The following SGMS1 variants were observed in gnomAD, a reference collection of about 807,000 sequenced individuals.
SGMS1 encodes sphingomyelin synthase 1.
In SGMS1, 13 loss-of-function variants were observed where a neutral mutation model predicts 46.2. That is an observed-to-expected ratio of 0.28 (90% CI 0.18 to 0.45). The LOEUF (loss-of-function observed/expected upper bound fraction) is 0.45. Ranked by LOEUF, SGMS1 falls within the 20% of genes least tolerant of loss-of-function variation. SGMS1 has a pLI of 1.00. For missense variants in SGMS1, 324 were observed against 519.9 expected (o/e 0.62, Z 3.66); for synonymous variants, 203 against 187.8 (o/e 1.08, Z -0.66).
At chr10:50,447,723 A>T (rs1837040406) in intron 5 of SGMS1, among the ~76,000 whole-genome samples, 2 of 152,228 alleles carry the variant, frequency 1.3e-5, no homozygotes, top group Admixed American at 1.3e-4. Context: ...ACTAACTAAC[A>T]TATGCATTAC....
At chr10:50,427,640 A>G (rs1849346719) in intron 6 of SGMS1, among the ~76,000 whole-genome samples, 1 of 152,212 alleles carries the variant, frequency 6.6e-6, no homozygotes, top group African/African-American at 2.4e-5. Context: ...AAGTGGGGAC[A>G]CTACATAAAC....
intron 2 of SGMS1, among the ~76,000 whole-genome samples, chr10:50,555,729 G>A (rs182214977): frequency 6.6e-6 from 1 of 152,252 alleles, no homozygotes; most frequent in East Asian, 1.9e-4. Context: ...AAACTCCCTG[G>A]AGGCCAAAGC....
At chr10:50,377,717 TG>T (rs2133463608) in intron 6 of SGMS1, among the ~76,000 whole-genome samples, 1 of 152,278 alleles carries the variant, frequency 6.6e-6, no homozygotes, top group African/African-American at 2.4e-5. Context: ...ATTATCAGTC[TG>T]GAGGCCAGAA....
At chr10:50,365,430 T>C (rs1295478387) in intron 6 of SGMS1, among the ~76,000 whole-genome samples, 1 of 152,142 alleles carries the variant, frequency 6.6e-6, no homozygotes, top group Non-Finnish European at 1.5e-5. Context: ...TAAAATTTTA[T>C]TTTACTTTAA....
intron 2 of SGMS1, among the ~76,000 whole-genome samples, chr10:50,561,438 T>G (rs753459993): frequency 3.3e-5 from 5 of 152,208 alleles, no homozygotes; most frequent in Non-Finnish European, 7.4e-5. Context: ...ACTGCTGGGT[T>G]AGAGGATTTC....
At chr10:50,388,886 G>A (rs1482565831) in intron 6 of SGMS1, among the ~76,000 whole-genome samples, 1 of 152,160 alleles carries the variant, frequency 6.6e-6, no homozygotes, top group African/African-American at 2.4e-5. Flanking sequence ...GATTTTGGAT[G>A]TCATCTAGCA....
intron 6 of SGMS1, among the ~76,000 whole-genome samples, chr10:50,409,076 T>C (rs1045180953): frequency 2.0e-5 from 3 of 152,186 alleles, no homozygotes; most frequent in Non-Finnish European, 2.9e-5. Flanking sequence ...AAAGAGGTAA[T>C]GTTAGAATTA....
rs573404568 is a variant in SGMS1 at position 50,613,030 on chromosome 10, G to A, written c.-684+10677C>T. On this transcript the variant is annotated intron_variant, in intron 1 of 10. Transcript: ENST00000361781. ...AGTTTTGAAGTGCAGTCCCAGCTCT[G>A]ATTCTCCCTTTGGGGGCTGACCACT... 7.9e-5 allele frequency among the ~76,000 whole-genome samples: 12 copies of A among 152,298 alleles called. No individual in the cohort carries two copies. The East Asian group carries it at 2.3e-3, about 29-fold the overall frequency.
At chr10:50,338,361 T>C (rs1285319815) in intron 7 of SGMS1, among the ~76,000 whole-genome samples, 2 of 152,240 alleles carry the variant, frequency 1.3e-5, no homozygotes, top group Non-Finnish European at 2.9e-5. Flanking sequence ...ACAACTGTCT[T>C]ATGCTATTCC....
In SGMS1 at chr10:50,306,828, T is replaced by C. The variant is rs1256092081; in HGVS notation, c.*314A>G. On this transcript the variant is annotated 3_prime_UTR_variant, in exon 11 of 11. Transcript: ENST00000361781. ...ATGTGACTGGAAAGACCAGAACTTA[T>C]GATATAAAAGCTTACATTTATGCTG... The C allele has an allele frequency of 4.7e-6, 1 of 211,772 alleles. No homozygotes were observed. The highest frequency in any genetic ancestry group is 5.8e-5 in the Admixed American group (1 of 17,102). The allele number at this position is 211,772 out of a possible 1,614,324, so 13.1% of individuals were successfully genotyped here. A position where few individuals can be genotyped will look rare whatever the true frequency, so the allele number is the denominator to read the frequency against.
chr10:50,310,563 A>G (rs1847238263), intron 9 of SGMS1, among the ~76,000 whole-genome samples: 1 of 152,006 alleles, frequency 6.6e-6, no homozygotes, highest in South Asian at 2.1e-4. Flanking sequence ...ACACAAGTCC[A>G]AAAAAATGGA....
intron 2 of SGMS1, among the ~76,000 whole-genome samples, chr10:50,569,299 T>TAA (rs72066798): frequency 0.073 from 9,469 of 130,420 alleles, 751 homozygotes; most frequent in East Asian, 0.34. Context: ...CTTAAAGTAT[T>TAA]AAAAAAAAAA....
At chr10:50,390,018 TACCC>T (rs1470641924) in intron 6 of SGMS1, among the ~76,000 whole-genome samples, 1 of 152,216 alleles carries the variant, frequency 6.6e-6, no homozygotes, top group Non-Finnish European at 1.5e-5. Flanking sequence ...TATTCCATAA[TACCC>T]ATTACTCCTG....
intron 6 of SGMS1, among the ~76,000 whole-genome samples, chr10:50,382,368 T>C (rs1403088089): frequency 1.3e-5 from 2 of 152,170 alleles, no homozygotes; most frequent in African/African-American, 2.4e-5. Context: ...ATCACAGATA[T>C]ATATTCATAG....
At chr10:50,395,751 A>G (rs1317868032) in intron 6 of SGMS1, among the ~76,000 whole-genome samples, 1 of 152,190 alleles carries the variant, frequency 6.6e-6, no homozygotes, top group Non-Finnish European at 1.5e-5. Flanking sequence ...AGGATTCAGT[A>G]TTGGGCTGCT....
intron 5 of SGMS1, among the ~76,000 whole-genome samples, chr10:50,444,661 T>C (rs1235057851): frequency 1.3e-5 from 2 of 151,782 alleles, no homozygotes; most frequent in Non-Finnish European, 2.9e-5. Flanking sequence ...GAGGCCGAGG[T>C]AAGAGGATCA....
intron 1 of SGMS1, among the ~76,000 whole-genome samples, chr10:50,592,838 GT>G (rs903568954): frequency 2.6e-5 from 4 of 151,302 alleles, no homozygotes; most frequent in African/African-American, 9.7e-5. Flanking sequence ...CGCCAATTTA[GT>G]TTGTCTCTAA....
intron 3 of SGMS1, among the ~76,000 whole-genome samples, chr10:50,474,453 G>T (rs547561292): frequency 9.2e-5 from 14 of 152,162 alleles, no homozygotes; most frequent in Admixed American, 3.3e-4. Flanking sequence ...CTCAGTACAG[G>T]CACCCTGAGA....
intron 6 of SGMS1, among the ~76,000 whole-genome samples, chr10:50,413,811 T>C (rs1849132761): frequency 6.6e-6 from 1 of 152,218 alleles, no homozygotes; most frequent in Admixed American, 6.5e-5. Flanking sequence ...GAAAGAGGTC[T>C]CCTAAAACCT....
Sources: allele counts gnomAD v4.1 joint callset (sites outside exome capture counted in the v4.1 genomes callset), GRCh38; gene constraint gnomAD v4.1.1; transcripts MANE v1.5; gene names NCBI Gene and HGNC (gene_info 2026-07-23, HGNC 2026-07-21).